Variants in ACTR3C observed in about 807,000 individuals in gnomAD.
ACTR3C encodes the protein actin related protein 3C, also known as actin-related protein 3C.
ACTR3C carries 18 observed loss-of-function variants against 26.3 expected under a neutral mutation model. The ratio of observed to expected loss-of-function variants is 0.68; its 90% CI spans 0.47 to 1.01. The LOEUF (loss-of-function observed/expected upper bound fraction) is 1.01, where lower values mean the gene tolerates loss of function less well. ACTR3C is among the 50% of genes least tolerant of loss of function. The probability of loss-of-function intolerance (pLI) is 0.00; values close to 1 mark genes in which losing one functional copy is unlikely to be tolerated. For synonymous variants in ACTR3C, 55 were observed against 94.5 expected, an observed-to-expected ratio of 0.58 and a Z score of 2.42; for missense variants, 184 against 250.7, an observed-to-expected ratio of 0.73 and a Z score of 1.80.
chr7:150,035,715 G>A, the ACTR3C span, among the ~76,000 whole-genome samples: 4 of 139,532 alleles, frequency 2.9e-5, 1 homozygote, highest in Non-Finnish European at 6.5e-5. Context: ...TAAGCCAGGG[G>A]GTGAAGATGG....
chr7:150,109,021 C>G, the ACTR3C span, among the ~76,000 whole-genome samples: 1 of 151,964 alleles, frequency 6.6e-6, no homozygotes, highest in Non-Finnish European at 1.5e-5. Context: ...GTGCTCCAAA[C>G]TGGTCCCTTA....
In ACTR3C at chr7:150,273,331, G is replaced by A. The variant is rs553545951; in HGVS notation, c.564+11422C>T. Among the ~76,000 whole-genome samples the A allele has an allele frequency of 2.6e-3, 371 of 143,826 alleles. 2 individuals carry two copies. Among genetic ancestry groups the A allele is most frequent in the African/African-American group, 9.5e-3 (341 of 35,918 alleles). The allele number at this position is 143,826 out of a possible 152,430, so 94.4% of individuals were successfully genotyped here. On this transcript the variant is annotated intron_variant, in intron 6 of 7. Coordinates refer to ENST00000683684, the MANE Select transcript of ACTR3C (RefSeq NM_001164458.2). Reference sequence around the variant, plus strand: ...GTCCCTTTGTCGCTAAGGCTGGAGCGCAGTGGTGCAATCACAGCTCACTGC... The same window carrying A: ...GTCCCTTTGTCGCTAAGGCTGGAGCACAGTGGTGCAATCACAGCTCACTGC...
the ACTR3C span, among the ~76,000 whole-genome samples, chr7:150,012,317 CTTT>C: frequency 3.8e-5 from 5 of 131,244 alleles, no homozygotes; most frequent in Non-Finnish European, 3.2e-5. Context: ...ATAAATGCAT[CTTT>C]TTTTTTTTTT....
chr7:150,061,619 G>T, the ACTR3C span, among the ~76,000 whole-genome samples: 1 of 41,182 alleles, frequency 2.4e-5, no homozygotes, highest in Admixed American at 3.0e-4. Flanking sequence ...GTAAAAGTAG[G>T]AGAGAGTTTG....
chr7:150,042,740 A>AG, the ACTR3C span, among the ~76,000 whole-genome samples: 1 of 151,610 alleles, frequency 6.6e-6, no homozygotes, highest in Non-Finnish European at 1.5e-5. Context: ...AAGGCCCTCT[A>AG]ATAGGGGGGC....
At chr7:150,253,566 T>C (rs1350367105) in intron 6 of ACTR3C, among the ~76,000 whole-genome samples, 2 of 152,140 alleles carry the variant, frequency 1.3e-5, no homozygotes, top group Non-Finnish European at 2.9e-5. Flanking sequence ...TTTTTGTGGA[T>C]TGATTTTATT....
At chr7:150,292,561 C>T (rs2531053) in intron 3 of ACTR3C, among the ~76,000 whole-genome samples, 4 of 145,430 alleles carry the variant, frequency 2.8e-5, no homozygotes, top group Admixed American at 6.9e-5. Context: ...GGTGCAATGG[C>T]GCGATCTCGG....
intron 6 of ACTR3C, among the ~76,000 whole-genome samples, chr7:150,265,383 C>T (rs921717627): frequency 6.8e-6 from 1 of 146,038 alleles, no homozygotes; most frequent in African/African-American, 2.7e-5. Flanking sequence ...TTTAAAAAAA[C>T]ATTTTATTTA....
At chr7:150,291,245 A>G (rs1836235931) in intron 3 of ACTR3C, among the ~76,000 whole-genome samples, 1 of 152,228 alleles carries the variant, frequency 6.6e-6, no homozygotes, top group Non-Finnish European at 1.5e-5. Context: ...AGCCTGACCA[A>G]TATGGAGAAA....
At chr7:150,279,185 G>C (rs1161853374) in intron 6 of ACTR3C, among the ~76,000 whole-genome samples, 1 of 152,122 alleles carries the variant, frequency 6.6e-6, no homozygotes, top group Non-Finnish European at 1.5e-5. Flanking sequence ...CACACCTGTA[G>C]TTCCAGCTAC....
the ACTR3C span, among the ~76,000 whole-genome samples, chr7:150,083,122 TTTTC>T: frequency 6.6e-6 from 1 of 150,990 alleles, no homozygotes; most frequent in Non-Finnish European, 1.5e-5. Flanking sequence ...AGTTTTTGAA[TTTTC>T]TTTTTTTGTA....
intron 6 of ACTR3C, among the ~76,000 whole-genome samples, chr7:150,261,131 A>AT (rs1259294349): frequency 6.6e-6 from 1 of 152,228 alleles, no homozygotes; most frequent in African/African-American, 2.4e-5. Context: ...TCATGCTGAG[A>AT]GTAAACTTTT....
At chr7:150,200,258 G>T in the ACTR3C span, among the ~76,000 whole-genome samples, 2,596 of 151,934 alleles carry the variant, frequency 0.017, 79 homozygotes, top group African/African-American at 0.059. Context: ...TCATAGAATT[G>T]GGGTGTTAAG....
chr7:149,911,973 G>A, the ACTR3C span, among the ~76,000 whole-genome samples: 1 of 146,236 alleles, frequency 6.8e-6, no homozygotes, highest in Non-Finnish European at 1.5e-5. Flanking sequence ...CTGCACCACT[G>A]CCCTGTAGCC....
the ACTR3C span, among the ~76,000 whole-genome samples, chr7:150,183,485 G>C: frequency 2.0e-5 from 3 of 149,640 alleles, no homozygotes; most frequent in African/African-American, 2.6e-5. Context: ...GAAATTACTG[G>C]AAGGTAGGGT....
At chr7:150,133,965 C>T in the ACTR3C span, among the ~76,000 whole-genome samples, 1 of 151,706 alleles carries the variant, frequency 6.6e-6, no homozygotes, top group Non-Finnish European at 1.5e-5. Context: ...CTTGAATTTG[C>T]GAGCTCAAGT....
the ACTR3C span, among the ~76,000 whole-genome samples, chr7:150,185,321 G>GTA: frequency 6.7e-6 from 1 of 148,864 alleles, no homozygotes; most frequent in Non-Finnish European, 1.5e-5. Context: ...GTGTGTGTGT[G>GTA]TATTCTCTGG....
At chr7:149,915,107 T>G in the ACTR3C span, among the ~76,000 whole-genome samples, 9 of 152,160 alleles carry the variant, frequency 5.9e-5, no homozygotes, top group Non-Finnish European at 1.3e-4. Context: ...CTGGAACTCC[T>G]GGCCTCAGGC....
chr7:150,303,137 A>T (rs1302823613), intron 1 of ACTR3C, among the ~76,000 whole-genome samples: 1 of 152,254 alleles, frequency 6.6e-6, no homozygotes, highest in African/African-American at 2.4e-5. Context: ...CCTTGTGGAC[A>T]GGGATGACTA....
Sources: allele counts gnomAD v4.1 joint callset (sites outside exome capture counted in the v4.1 genomes callset), GRCh38; gene constraint gnomAD v4.1.1; transcripts MANE v1.5; gene names NCBI Gene and HGNC (gene_info 2026-07-23, HGNC 2026-07-21).